DPP10: variants seen among roughly 807,000 people sequenced by gnomAD.
DPP10 encodes inactive dipeptidyl peptidase 10.
DPP10 carries 33 observed loss-of-function variants against 120.9 expected under a neutral mutation model. The observed-to-expected ratio is 0.27, with a 90% confidence interval of 0.21 to 0.37. The LOEUF is 0.37. Ranked by LOEUF, DPP10 falls within the 10% of genes least tolerant of loss-of-function variation. The pLI, the probability that DPP10 is intolerant of heterozygous loss-of-function variation, is 1.00. For missense variants in DPP10, 816 were observed against 942.8 expected (o/e 0.87, Z 1.76); for synonymous variants, 337 against 326.1 (o/e 1.03, Z -0.36).
At chr2:115,467,698 G>C (rs761120128) in intron 3 of DPP10, among the ~76,000 whole-genome samples, 2 of 152,124 alleles carry the variant, frequency 1.3e-5, no homozygotes, top group Non-Finnish European at 2.9e-5. Flanking sequence ...AAGAGTACAA[G>C]GCATCTGGAA....
At chr2:115,748,610 A>G (rs575868244) in intron 10 of DPP10, among the ~76,000 whole-genome samples, 1 of 152,124 alleles carries the variant, frequency 6.6e-6, no homozygotes. Context: ...TGAAGATCTT[A>G]GGTCCTTTTT....
At chr2:114,677,059 A>G (rs1698718918) in intron 1 of DPP10, among the ~76,000 whole-genome samples, 1 of 152,124 alleles carries the variant, frequency 6.6e-6, no homozygotes, top group South Asian at 2.1e-4. Context: ...GTGTGGCCCC[A>G]GAGTCAATAA....
At position 115,791,107 on chromosome 2, in the gene DPP10, A is replaced by T. The variant is rs776872353; in HGVS notation, c.1558A>T (p.Met520Leu). 1.5e-5 allele frequency: 25 copies of T among 1,613,400 alleles called. No homozygotes were observed. The South Asian group carries it at 2.6e-4, about 17-fold the overall frequency. ...AKYFILESNSMLKEAILKKKI... is the reference protein window; with the variant it reads ...AKYFILESNSLLKEAILKKKI... ...ATATTTTATATTGGAAAGCAATTCTATGCTGAAGGAAGCTATCCTGAAGAA... is the reference window on the plus strand; with the variant it reads ...ATATTTTATATTGGAAAGCAATTCTTTGCTGAAGGAAGCTATCCTGAAGAA... The change falls in exon 18 of 26, where the codon ATG (methionine) becomes TTG (leucine). Residue 520 changes from methionine to leucine, a missense_variant. Met to Leu is a conservative substitution (Grantham distance 15). This residue lies in a region of DPP10 where 592 missense variants were observed against 649.0 expected (regional missense o/e 0.91). Transcript: ENST00000410059.
intron 3 of DPP10, among the ~76,000 whole-genome samples, chr2:115,454,040 G>A (rs889502277): frequency 2.0e-5 from 3 of 151,548 alleles, no homozygotes; most frequent in Admixed American, 6.6e-5. Context: ...ATGAGAATTT[G>A]AGAGTATGAA....
intron 3 of DPP10, among the ~76,000 whole-genome samples, chr2:115,411,504 G>A (rs1490130972): frequency 6.6e-6 from 1 of 152,254 alleles, no homozygotes; most frequent in Non-Finnish European, 1.5e-5. Flanking sequence ...GTATTGAAAG[G>A]GGGAGGGAAA....
chr2:115,754,518 G>C (rs1679155510), intron 11 of DPP10, among the ~76,000 whole-genome samples: 1 of 152,098 alleles, frequency 6.6e-6, no homozygotes, highest in South Asian at 2.1e-4. Context: ...AAGCACATTA[G>C]AAGTAGGGCT....
At chr2:115,690,587 A>G (rs2149499230) in intron 7 of DPP10, among the ~76,000 whole-genome samples, 1 of 152,100 alleles carries the variant, frequency 6.6e-6, no homozygotes, top group East Asian at 1.9e-4. Context: ...TAGCTTTTAT[A>G]TTTTTAGTAG....
At chr2:115,544,586 C>A (rs1329451954) in intron 5 of DPP10, among the ~76,000 whole-genome samples, 2 of 152,070 alleles carry the variant, frequency 1.3e-5, no homozygotes, top group Non-Finnish European at 2.9e-5. Flanking sequence ...CCTACAACTA[C>A]TTAGTTAAGC....
At chr2:114,855,088 G>A (rs1574349056) in intron 1 of DPP10, among the ~76,000 whole-genome samples, 1 of 152,180 alleles carries the variant, frequency 6.6e-6, no homozygotes, top group East Asian at 1.9e-4. Context: ...GCTTTGATTT[G>A]GATTTGGGTT....
chr2:115,198,025 A>G (rs952176406), intron 1 of DPP10, among the ~76,000 whole-genome samples: 3 of 152,180 alleles, frequency 2.0e-5, no homozygotes, highest in South Asian at 2.1e-4. Context: ...AGATTTTCTA[A>G]TTGACTTAGA....
At chr2:115,740,666 C>G (rs1440874424) in intron 9 of DPP10, among the ~76,000 whole-genome samples, 1 of 152,094 alleles carries the variant, frequency 6.6e-6, no homozygotes, top group South Asian at 2.1e-4. Flanking sequence ...AAGTGTTGGG[C>G]AAGGCCTCTA....
At chr2:115,439,969 T>A in intron 3 of DPP10, among the ~76,000 whole-genome samples, 1 of 152,214 alleles carries the variant, frequency 6.6e-6, no homozygotes, top group South Asian at 2.1e-4. Flanking sequence ...GTGGTTGGTT[T>A]TGAATTTTAC....
At chr2:115,232,870 T>C (rs2057805707) in intron 1 of DPP10, among the ~76,000 whole-genome samples, 1 of 152,242 alleles carries the variant, frequency 6.6e-6, no homozygotes, top group African/African-American at 2.4e-5. Flanking sequence ...GTTATTATTA[T>C]GTTCTTAGAA....
intron 19 of DPP10, among the ~76,000 whole-genome samples, chr2:115,795,201 T>G (rs1276651625): frequency 1.3e-5 from 2 of 152,108 alleles, no homozygotes; most frequent in Non-Finnish European, 2.9e-5. Context: ...GGGATTTTTG[T>G]TTTTGTTTTT....
At chr2:115,784,167 G>T (rs1486386497) in intron 17 of DPP10, among the ~76,000 whole-genome samples, 1 of 152,124 alleles carries the variant, frequency 6.6e-6, no homozygotes, top group Non-Finnish European at 1.5e-5. Flanking sequence ...AAAAGGCTGT[G>T]AATAGTGGTC....
At chr2:115,491,713 T>C (rs1217277736) in intron 3 of DPP10, among the ~76,000 whole-genome samples, 1 of 152,176 alleles carries the variant, frequency 6.6e-6, no homozygotes, top group East Asian at 1.9e-4. Flanking sequence ...TTTATGGTCA[T>C]GCTGACCTTA....
At chr2:115,212,206 C>G (rs2056560575) in intron 1 of DPP10, among the ~76,000 whole-genome samples, 1 of 152,144 alleles carries the variant, frequency 6.6e-6, no homozygotes, top group Non-Finnish European at 1.5e-5. Flanking sequence ...AGAGAACATG[C>G]TGGAGTGAAC....
Position 115,466,401 on chromosome 2 carries a change from G to C in DPP10, c.272-33109G>C, listed in dbSNP as rs192389204. On this transcript the variant is annotated intron_variant, in intron 3 of 25. Coordinates refer to ENST00000410059, the MANE Select transcript of DPP10 (RefSeq NM_020868.6). ...TAATAGAGTCATTTTCCACAAATAG[G>C]AAAGTCCTACAAATATTATTATACT... Among the ~76,000 whole-genome samples the C allele has an allele frequency of 5.8e-4, 88 of 152,208 alleles. 1 individual carries two copies. In the South Asian group the frequency reaches 9.7e-3, roughly 17 times the overall value.
chr2:115,426,623 C>T lies in DPP10; in HGVS notation c.272-72887C>T, dbSNP rs529935077. ...AGATGACATTTCAACATGAGATTCTCACCAGGTGCCACCTCCGACGCTGGA... is the reference window on the plus strand; with the variant it reads ...AGATGACATTTCAACATGAGATTCTTACCAGGTGCCACCTCCGACGCTGGA... On this transcript the variant is annotated intron_variant, in intron 3 of 25. Coordinates refer to ENST00000410059, the MANE Select transcript of DPP10 (RefSeq NM_020868.6). 9.3e-4 allele frequency among the ~76,000 whole-genome samples: 140 copies of T among 150,822 alleles called. No homozygotes were observed. The Middle Eastern group carries it at 0.01, about 11-fold the overall frequency.
Sources: gnomAD v4.1 joint callset for allele counts (sites outside exome capture counted in the v4.1 genomes callset) on GRCh38, gnomAD v4.1.1 for gene constraint, gnomAD v4.1.1 regional missense constraint, MANE v1.5 for transcripts, NCBI Gene and HGNC (gene_info 2026-07-23, HGNC 2026-07-21) for gene names.